MAP2: variants seen among roughly 807,000 people sequenced by gnomAD.
MAP2 encodes microtubule-associated protein 2.
A neutral mutation model predicts 137.6 loss-of-function variants in MAP2; 14 were observed. That is an observed-to-expected ratio of 0.10 (90% CI 0.07 to 0.16). The LOEUF (loss-of-function observed/expected upper bound fraction) is 0.16. MAP2 is among the 10% of genes least tolerant of loss of function. MAP2 has a pLI of 1.00. For synonymous variants in MAP2, 786 were observed against 782.3 expected (o/e 1.00, Z -0.08); for missense variants, 2,088 against 2,191.5 (o/e 0.95, Z 0.94).
At chr2:209,594,847 T>C (rs927376402) in intron 3 of MAP2, among the ~76,000 whole-genome samples, 3 of 152,164 alleles carry the variant, frequency 2.0e-5, no homozygotes, top group Admixed American at 6.6e-5. Flanking sequence ...AGTGTTGAGA[T>C]GGAATATACA....
At chr2:209,598,392 CTG>C (rs1309241964) in intron 3 of MAP2, among the ~76,000 whole-genome samples, 1 of 151,914 alleles carries the variant, frequency 6.6e-6, no homozygotes, top group Non-Finnish European at 1.5e-5. Context: ...TGTCGACTAA[CTG>C]ATACTTTTTT....
At chr2:209,580,900 A>G (rs1160517901) in intron 3 of MAP2, among the ~76,000 whole-genome samples, 1 of 152,182 alleles carries the variant, frequency 6.6e-6, no homozygotes, top group African/African-American at 2.4e-5. Flanking sequence ...CTATATTTGT[A>G]ATTTGCCTTT....
At chr2:209,510,691 T>C (rs1411951990) in intron 2 of MAP2, among the ~76,000 whole-genome samples, 1 of 152,080 alleles carries the variant, frequency 6.6e-6, no homozygotes. Flanking sequence ...AAACAGATGC[T>C]TGTAAAGGAA....
At chr2:209,496,245 CAT>C (rs1260640675) in intron 1 of MAP2, among the ~76,000 whole-genome samples, 3 of 152,112 alleles carry the variant, frequency 2.0e-5, no homozygotes, top group Admixed American at 2.0e-4. Flanking sequence ...GGAATACAAA[CAT>C]AGATTTGCTG....
intron 1 of MAP2, among the ~76,000 whole-genome samples, chr2:209,504,887 A>G (rs1288729290): frequency 6.6e-6 from 1 of 152,054 alleles, no homozygotes; most frequent in Non-Finnish European, 1.5e-5. Context: ...TTCATAGCCT[A>G]GTGTTCTTAT....
chr2:209,556,042 C>CTTT (rs766218011), intron 2 of MAP2, among the ~76,000 whole-genome samples: 5 of 108,480 alleles, frequency 4.6e-5, no homozygotes, highest in African/African-American at 1.0e-4. Flanking sequence ...TTTTTCTTTT[C>CTTT]TTTTTTTTTT....
intron 2 of MAP2, among the ~76,000 whole-genome samples, chr2:209,521,631 A>G (rs1418098250): frequency 6.6e-6 from 1 of 152,044 alleles, no homozygotes; most frequent in Non-Finnish European, 1.5e-5. Context: ...AAGAACAGTT[A>G]AGAGACTTTG....
chr2:209,559,772 G>A (rs2071572859), intron 2 of MAP2, among the ~76,000 whole-genome samples: 1 of 151,732 alleles, frequency 6.6e-6, no homozygotes, highest in Admixed American at 6.6e-5. Flanking sequence ...GGTGCAACAA[G>A]ATGTCCAGAG....
intron 8 of MAP2, 35 bp from the exon 9 acceptor site, chr2:209,696,507 T>C: frequency 6.7e-7 from 1 of 1,498,898 alleles, no homozygotes; most frequent in Non-Finnish European, 9.2e-7. Flanking sequence ...GTTTTCACTG[T>C]TGTTGTTGTT....
At chr2:209,578,135 G>A (rs545737561) in intron 2 of MAP2, among the ~76,000 whole-genome samples, 1 of 152,312 alleles carries the variant, frequency 6.6e-6, no homozygotes, top group East Asian at 1.9e-4. Flanking sequence ...AACGCTGCGG[G>A]TGCCTGGGTT....
intron 13 of MAP2, among the ~76,000 whole-genome samples, chr2:209,717,353 C>A (rs562319910): frequency 1.3e-5 from 2 of 152,070 alleles, no homozygotes; most frequent in African/African-American, 4.8e-5. Flanking sequence ...GAGAACTCAC[C>A]GTCTTGAGAA....
intron 2 of MAP2, among the ~76,000 whole-genome samples, chr2:209,570,174 A>T (rs962436455): frequency 6.6e-6 from 1 of 151,832 alleles, no homozygotes; most frequent in East Asian, 1.9e-4. Flanking sequence ...GTCTGTCTAA[A>T]CTCCCTCTCC....
intron 14 of MAP2, among the ~76,000 whole-genome samples, chr2:209,728,206 T>C (rs908090735): frequency 7.2e-5 from 11 of 152,164 alleles, no homozygotes; most frequent in Admixed American, 1.3e-4. Context: ...GAAAAGTAAA[T>C]GATTTCTATC....
At chr2:209,456,162 C>T (rs922334366) in intron 1 of MAP2, among the ~76,000 whole-genome samples, 6 of 152,006 alleles carry the variant, frequency 3.9e-5, no homozygotes, top group South Asian at 2.1e-4. Flanking sequence ...AAGGTACATC[C>T]GAGGTGCTAA....
intron 11 of MAP2, chr2:209,704,463 C>T (rs1448705415): frequency 1.9e-6 from 3 of 1,604,906 alleles, no homozygotes; most frequent in Non-Finnish European, 2.6e-6. Flanking sequence ...TCTACCTTGT[C>T]AAAGATTCCT....
intron 1 of MAP2, among the ~76,000 whole-genome samples, chr2:209,456,721 G>A (rs1701624435): frequency 6.6e-6 from 1 of 152,164 alleles, no homozygotes; most frequent in Admixed American, 6.5e-5. Flanking sequence ...ACAAGTAGAG[G>A]CCACAAGTTA....
intron 1 of MAP2, among the ~76,000 whole-genome samples, chr2:209,440,760 ACTT>A (rs1163964620): frequency 6.6e-6 from 1 of 151,470 alleles, no homozygotes; most frequent in Non-Finnish European, 1.5e-5. Flanking sequence ...GTGAACACTT[ACTT>A]TATATTCAGC....
intron 1 of MAP2, among the ~76,000 whole-genome samples, chr2:209,488,496 G>A (rs887507955): frequency 1.3e-5 from 2 of 152,116 alleles, no homozygotes; most frequent in Non-Finnish European, 1.5e-5. Context: ...CTAGCTCAGT[G>A]GATCCCACCC....
chr2:209,530,867 G>A (rs1207062355), intron 2 of MAP2, among the ~76,000 whole-genome samples: 1 of 152,114 alleles, frequency 6.6e-6, no homozygotes, highest in East Asian at 1.9e-4. Context: ...GTTGCAAAAT[G>A]TGTCTTTTCT....
Sources: allele counts gnomAD v4.1 joint callset (sites outside exome capture counted in the v4.1 genomes callset), GRCh38; gene constraint gnomAD v4.1.1; transcripts MANE v1.5; gene names NCBI Gene and HGNC (gene_info 2026-07-23, HGNC 2026-07-21).